Variants in PARVB observed in about 807,000 individuals in gnomAD.
PARVB encodes the protein beta-parvin.
PARVB carries 46 observed loss-of-function variants against 47.0 expected under a neutral mutation model. The ratio of observed to expected loss-of-function variants is 0.98; its 90% confidence interval spans 0.77 to 1.25. The LOEUF (loss-of-function observed/expected upper bound fraction) is 1.25, where lower values mean the gene tolerates loss of function less well. Among genes scored for constraint, PARVB ranks in the 50% most tolerant of loss-of-function variants. The pLI, the probability that PARVB is intolerant of heterozygous loss-of-function variation, is 0.00. For missense variants in PARVB, 473 were observed against 471.6 expected, an observed-to-expected ratio of 1.00 and a Z score of -0.03; for synonymous variants, 196 against 196.3, an observed-to-expected ratio of 1.00 and a Z score of 0.01.
At position 44,064,428 on chromosome 22, in the gene PARVB, C is replaced by T. The variant is rs185461763; in HGVS notation, c.113-29500C>T. 1.8e-3 allele frequency among the ~76,000 whole-genome samples: 268 copies of T among 152,290 alleles called. 1 individual carries two copies. The highest frequency in any genetic ancestry group is 0.014 in the Middle Eastern group (4 of 294). On this transcript the variant is annotated intron_variant, in intron 1 of 12. Transcript: ENST00000338758. The stretch of plus-strand genomic sequence containing the variant: ...TGTTGAAGGGCCTGGCCGAGTTCCC[C>T]AGAGGCTGGGGTCAGTGTTCAAGTT...
At chr22:44,140,166 G>A in intron 8 of PARVB, 23 bp downstream of exon 8, 1 of 1,613,510 alleles carries the variant, frequency 6.2e-7, no homozygotes, top group Admixed American at 1.7e-5. Flanking sequence ...AGGGAAAGTG[G>A]GGAGATGGAG....
chr22:44,005,908 C>T (rs760572807), intron 2 of PARVB, among the ~76,000 whole-genome samples: 1 of 152,174 alleles, frequency 6.6e-6, no homozygotes, highest in Non-Finnish European at 1.5e-5. Context: ...TCTGTGCTTC[C>T]GTTGCTTCAT....
intron 1 of PARVB, chr22:43,999,455 TGTAC>T: frequency 6.3e-7 from 1 of 1,585,266 alleles, no homozygotes; most frequent in East Asian, 2.2e-5. Flanking sequence ...AAAATCAGGT[TGTAC>T]TCAGAAGTCC....
intron 4 of PARVB, among the ~76,000 whole-genome samples, chr22:44,123,257 G>C (rs541278798): frequency 1.3e-4 from 20 of 152,174 alleles, no homozygotes; most frequent in Non-Finnish European, 2.5e-4. Flanking sequence ...ATTAGATTTG[G>C]CACCGGATGG....
At chr22:44,023,223 T>TATCTAGGCTGGGC (rs2050671712), upstream of PARVB, among the ~76,000 whole-genome samples, 1 of 151,918 alleles carries the variant, frequency 6.6e-6, no homozygotes. Context: ...CCTGCCTGGG[T>TATCTAGGCTGGGC]ATCTAGGCTG....
intron 1 of PARVB, among the ~76,000 whole-genome samples, chr22:44,067,072 G>A (rs1464952520): frequency 6.6e-6 from 1 of 152,120 alleles, no homozygotes; most frequent in African/African-American, 2.4e-5. Flanking sequence ...CAACTCCTGG[G>A]CTCGAGCGGT....
At chr22:44,102,727 C>G (rs923388100) in intron 3 of PARVB, 5 of 152,040 alleles carry the variant, frequency 3.3e-5, no homozygotes, top group Non-Finnish European at 5.9e-5. Context: ...GTAATCCTAG[C>G]TATGCAGGAG....
At chr22:44,043,712 T>A (rs2051063129) in intron 1 of PARVB, among the ~76,000 whole-genome samples, 1 of 152,094 alleles carries the variant, frequency 6.6e-6, no homozygotes, top group African/African-American at 2.4e-5. Context: ...TTGTATGGAA[T>A]GTGAATTCTG....
At chr22:44,029,903 C>T (rs987059342) in intron 1 of PARVB, among the ~76,000 whole-genome samples, 3 of 133,536 alleles carry the variant, frequency 2.2e-5, no homozygotes, top group African/African-American at 9.5e-5. Context: ...AAGCGAGACT[C>T]TGCCTCAAAA....
intron 2 of PARVB, among the ~76,000 whole-genome samples, chr22:44,007,329 CT>C (rs999388004): frequency 3.3e-5 from 5 of 152,200 alleles, no homozygotes; most frequent in Non-Finnish European, 5.9e-5. Flanking sequence ...TCCCGTGCTG[CT>C]TTGCAGTTTA....
At chr22:44,062,744 G>A (rs1384901471) in intron 1 of PARVB, among the ~76,000 whole-genome samples, 15 of 152,222 alleles carry the variant, frequency 9.9e-5, no homozygotes, top group Non-Finnish European at 1.8e-4. Flanking sequence ...GAGGCACACA[G>A]GGTGAGGCCT....
chr22:44,106,165 T>G (rs921722944), intron 3 of PARVB: 2 of 126,896 alleles, frequency 1.6e-5, no homozygotes, highest in African/African-American at 3.3e-5. Context: ...TTTTTTTTTT[T>G]GCTCTACCCC....
Position 44,068,752 on chromosome 22 carries a change from G to A in PARVB, c.113-25176G>A, listed in dbSNP as rs1180296702. ...CCCCCAATCACTTCTCCTGTCTCAG[G>A]GCCCAGAGAGCAAAGGCAGTGGGAG... On this transcript the variant is annotated intron_variant, in intron 1 of 12. Transcript: ENST00000338758. This position sits in a 1 kb window ranked among gnomAD's most constrained non-coding sequence, Gnocchi z 4.1. Among the ~76,000 whole-genome samples, 1 of 152,136 alleles carries A rather than the reference G, an allele frequency of 6.6e-6. No individual in the cohort carries two copies. The highest frequency in any genetic ancestry group is 1.5e-5 in the Non-Finnish European group (1 of 68,014).
intron 2 of PARVB, chr22:44,009,588 CAT>C (rs1000949576): frequency 5.3e-5 from 8 of 150,750 alleles, no homozygotes; most frequent in African/African-American, 1.9e-4. Flanking sequence ...TATATACACA[CAT>C]ATGTATGTAA....
intron 11 of PARVB, among the ~76,000 whole-genome samples, chr22:44,162,038 G>T (rs577908520): frequency 2.0e-5 from 3 of 152,258 alleles, no homozygotes; most frequent in Admixed American, 6.5e-5. Flanking sequence ...CCCTCCTGCC[G>T]GGCTGTGTCT....
At chr22:44,066,780 T>TCTTCTC (rs752513022) in intron 1 of PARVB, among the ~76,000 whole-genome samples, 1 of 48,080 alleles carries the variant, frequency 2.1e-5, no homozygotes, top group Non-Finnish European at 4.0e-5. Flanking sequence ...CTTAATTATT[T>TCTTCTC]CTCCTCCTCC....
At chr22:44,050,430 G>A (rs1393152506) in intron 1 of PARVB, among the ~76,000 whole-genome samples, 3 of 150,644 alleles carry the variant, frequency 2.0e-5, no homozygotes, top group South Asian at 2.1e-4. Flanking sequence ...TGCAACCTCC[G>A]CCTCCCGGGT....
intron 1 of PARVB, among the ~76,000 whole-genome samples, chr22:44,033,567 C>T (rs932282450): frequency 6.6e-6 from 1 of 152,188 alleles, no homozygotes; most frequent in Admixed American, 6.5e-5. Flanking sequence ...AGGCCTGCTC[C>T]TTTAAGCTTT....
intron 1 of PARVB, among the ~76,000 whole-genome samples, chr22:44,079,681 A>G (rs2051855961): frequency 1.3e-5 from 2 of 152,128 alleles, no homozygotes; most frequent in South Asian, 2.1e-4. Context: ...AATACATTAC[A>G]CTTTGGGAGG....
Sources: gnomAD v4.1 joint callset for allele counts (sites outside exome capture counted in the v4.1 genomes callset) on GRCh38, gnomAD v4.1.1 for gene constraint, Gnocchi (gnomAD v3.1) non-coding constraint, MANE v1.5 for transcripts, NCBI Gene and HGNC (gene_info 2026-07-23, HGNC 2026-07-21) for gene names.